Variants in CAMK1D observed in about 807,000 individuals in gnomAD.
CAMK1D encodes the protein calcium/calmodulin-dependent protein kinase type 1D.
In CAMK1D, 9 loss-of-function variants were observed where a neutral mutation model predicts 47.7. The observed-to-expected ratio is 0.19, with a 90% CI of 0.11 to 0.33. The LOEUF (loss-of-function observed/expected upper bound fraction) is 0.33, where lower values mean the gene tolerates loss of function less well. Among genes scored for constraint, CAMK1D ranks in the 10% least tolerant of loss-of-function variants. CAMK1D has a pLI of 1.00. For missense variants in CAMK1D, 291 were observed against 488.7 expected, an observed-to-expected ratio of 0.60 and a Z score of 3.81; for synonymous variants, 184 against 184.9, an observed-to-expected ratio of 0.99 and a Z score of 0.04.
At chr10:12,419,772 G>A (rs1473832077) in intron 1 of CAMK1D, among the ~76,000 whole-genome samples, 5 of 152,040 alleles carry the variant, frequency 3.3e-5, no homozygotes, top group Middle Eastern at 3.4e-3. Flanking sequence ...GGGTTTTCTC[G>A]TTAGGTTTTC....
chr10:12,399,499 G>A (rs995645734), intron 1 of CAMK1D, among the ~76,000 whole-genome samples: 13 of 151,028 alleles, frequency 8.6e-5, no homozygotes, highest in Middle Eastern at 3.4e-3. Context: ...GCAAGACTCC[G>A]TCTGAAAAAA....
At chr10:12,816,922 C>CA (rs1220299746) in intron 8 of CAMK1D, among the ~76,000 whole-genome samples, 1 of 138,386 alleles carries the variant, frequency 7.2e-6, no homozygotes, top group Non-Finnish European at 1.6e-5. Context: ...GGGCAATTTA[C>CA]AAAAGGAGGA....
chr10:12,550,109 C>G (rs1836529672), intron 1 of CAMK1D, among the ~76,000 whole-genome samples: 1 of 152,174 alleles, frequency 6.6e-6, no homozygotes, highest in Non-Finnish European at 1.5e-5. Flanking sequence ...GATCGCAGTT[C>G]CCAGCCCGAG....
intron 4 of CAMK1D, among the ~76,000 whole-genome samples, chr10:12,768,447 C>T (rs1291621602): frequency 2.0e-5 from 3 of 152,114 alleles, no homozygotes; most frequent in African/African-American, 4.8e-5. Context: ...TGGCTGTCCC[C>T]GCTGGGGCGG....
At chr10:12,400,219 A>G (rs1839127072) in intron 1 of CAMK1D, among the ~76,000 whole-genome samples, 1 of 152,168 alleles carries the variant, frequency 6.6e-6, no homozygotes, top group Admixed American at 6.5e-5. Context: ...TAATTTTTAC[A>G]AGACAGTCTT....
intron 3 of CAMK1D, among the ~76,000 whole-genome samples, chr10:12,698,293 A>G (rs534065282): frequency 6.6e-6 from 1 of 152,334 alleles, no homozygotes; most frequent in African/African-American, 2.4e-5. Flanking sequence ...TACCATGTAT[A>G]CTGGATTAGT....
chr10:12,523,911 A>ATTTT (rs1378005670), intron 1 of CAMK1D, among the ~76,000 whole-genome samples: 1 of 151,506 alleles, frequency 6.6e-6, no homozygotes, highest in East Asian at 1.9e-4. Context: ...TTATTTATTT[A>ATTTT]TTTTTTTGAG....
intron 1 of CAMK1D, among the ~76,000 whole-genome samples, chr10:12,506,729 G>A (rs1486607228): frequency 1.3e-5 from 2 of 151,982 alleles, no homozygotes; most frequent in Admixed American, 6.6e-5. Flanking sequence ...CGTGCTACCC[G>A]GGATGGTCTC....
intron 1 of CAMK1D, among the ~76,000 whole-genome samples, chr10:12,423,792 G>A (rs1052967372): frequency 1.3e-5 from 2 of 152,240 alleles, no homozygotes; most frequent in African/African-American, 4.8e-5. Context: ...GCCTGACTAA[G>A]TTGGTTGTTC....
At chr10:12,452,408 A>G (rs151051708) in intron 1 of CAMK1D, among the ~76,000 whole-genome samples, 9 of 151,964 alleles carry the variant, frequency 5.9e-5, no homozygotes, top group African/African-American at 2.2e-4. Context: ...TGGACTGAAT[A>G]AATATTTATA....
At chr10:12,636,533 G>T (rs1473031460) in intron 2 of CAMK1D, among the ~76,000 whole-genome samples, 1 of 152,158 alleles carries the variant, frequency 6.6e-6, no homozygotes, top group Non-Finnish European at 1.5e-5. Context: ...TCACTCTGTT[G>T]CCCAGGCTGG....
intron 1 of CAMK1D, among the ~76,000 whole-genome samples, chr10:12,434,618 G>GT (rs1832575870): frequency 6.6e-6 from 1 of 152,148 alleles, no homozygotes; most frequent in East Asian, 1.9e-4. Context: ...AAGATTCCAA[G>GT]GATTTAAGGA....
chr10:12,420,821 A>T (rs1009312443), intron 1 of CAMK1D, among the ~76,000 whole-genome samples: 1 of 152,138 alleles, frequency 6.6e-6, no homozygotes, highest in South Asian at 2.1e-4. Flanking sequence ...GAGGGCTGTC[A>T]TCTTTCCCCT....
chr10:12,762,751 G>C (rs577381798), intron 4 of CAMK1D, among the ~76,000 whole-genome samples: 14 of 152,136 alleles, frequency 9.2e-5, no homozygotes, highest in Non-Finnish European at 1.5e-4. Context: ...GGCTGTGGGC[G>C]TGGTCAGCTC....
chr10:12,365,646 G>T (rs1837810285), intron 1 of CAMK1D, among the ~76,000 whole-genome samples: 1 of 151,846 alleles, frequency 6.6e-6, no homozygotes, highest in Non-Finnish European at 1.5e-5. Flanking sequence ...CACCGTGTTA[G>T]CCAGGATGGT....
At chr10:12,622,405 A>G (rs1363287256) in intron 2 of CAMK1D, among the ~76,000 whole-genome samples, 1 of 151,936 alleles carries the variant, frequency 6.6e-6, no homozygotes, top group Non-Finnish European at 1.5e-5. Context: ...CCAGCTCTGT[A>G]TCTTGGATAC....
rs549749276 is a variant in CAMK1D at position 12,765,706 on chromosome 10, A to G, written c.439-3967A>G. Among the ~76,000 whole-genome samples the G allele has an allele frequency of 9.2e-5, 14 of 152,200 alleles. No individual in the cohort carries two copies. The South Asian group carries it at 2.1e-3, about 23-fold the overall frequency. On this transcript the variant is annotated intron_variant, in intron 4 of 10. Transcript: ENST00000619168. ...CAGACACACAAGGAGTGAGCTTCAG[A>G]GCGGACATTTAGTAGGTGAAAGAAA...
intron 3 of CAMK1D, among the ~76,000 whole-genome samples, chr10:12,692,318 G>A (rs1339588594): frequency 1.3e-5 from 2 of 152,144 alleles, no homozygotes; most frequent in East Asian, 1.9e-4. Context: ...CTCCTTCTCA[G>A]TTACACAAGA....
At chr10:12,484,958 C>T (rs1834169676) in intron 1 of CAMK1D, among the ~76,000 whole-genome samples, 1 of 152,124 alleles carries the variant, frequency 6.6e-6, no homozygotes, top group Admixed American at 6.5e-5. Flanking sequence ...TCCTCCTACC[C>T]CAGGCCTTTT....
Sources: allele counts gnomAD v4.1 joint callset (sites outside exome capture counted in the v4.1 genomes callset), GRCh38; gene constraint gnomAD v4.1.1; transcripts MANE v1.5; gene names NCBI Gene and HGNC (gene_info 2026-07-23, HGNC 2026-07-21).